Variants in CHODL observed in about 807,000 individuals in gnomAD.
CHODL encodes transmembrane protein MT75.
A neutral mutation model predicts 34.5 loss-of-function variants in CHODL; 29 were observed. The ratio of observed to expected loss-of-function variants is 0.84; its 90% CI spans 0.63 to 1.15. CHODL has a LOEUF of 1.15. Ranked by LOEUF, CHODL falls within the 50% of genes most tolerant of loss-of-function variation. The probability of loss-of-function intolerance (pLI) is 0.00; values close to 1 mark genes in which losing one functional copy is unlikely to be tolerated. For synonymous variants in CHODL, 125 were observed against 116.1 expected (o/e 1.08, Z -0.49); for missense variants, 332 against 332.5 (o/e 1.00, Z 0.01).
At chr21:18,039,756 C>T (rs963038883) in intron 2 of CHODL, among the ~76,000 whole-genome samples, 1 of 151,548 alleles carries the variant, frequency 6.6e-6, no homozygotes, top group African/African-American at 2.4e-5. Context: ...TTGATGCTAC[C>T]AAAACCTCAA....
chr21:18,228,440 G>C (rs748541512), intron 2 of CHODL, among the ~76,000 whole-genome samples: 15 of 152,044 alleles, frequency 9.9e-5, no homozygotes, highest in Non-Finnish European at 2.1e-4. Flanking sequence ...GCTGCATCAT[G>C]GGATGCATCG....
At chr21:18,069,141 TATTA>T (rs1023216621) in intron 2 of CHODL, among the ~76,000 whole-genome samples, 1 of 152,164 alleles carries the variant, frequency 6.6e-6, no homozygotes, top group Non-Finnish European at 1.5e-5. Flanking sequence ...AAAATGTTAA[TATTA>T]ATTATCTTTC....
intron 2 of CHODL, among the ~76,000 whole-genome samples, chr21:18,081,858 C>T (rs2146515050): frequency 6.6e-6 from 1 of 152,216 alleles, no homozygotes; most frequent in Middle Eastern, 3.4e-3. Context: ...GGAATTTTAT[C>T]ACAAAGCAAT....
intron 2 of CHODL, among the ~76,000 whole-genome samples, chr21:18,102,884 A>G (rs1162297904): frequency 6.6e-6 from 1 of 152,206 alleles, no homozygotes; most frequent in Non-Finnish European, 1.5e-5. Flanking sequence ...ACTGAAAGTA[A>G]CACATTAATT....
rs1268981858 is a variant in CHODL at position 18,245,295 on chromosome 21, G to A, written c.72G>A (p.Val24=). ...GCCACGGAGCCTTCTGCCGCCGCGT[G>A]GTCAGCGGTGAGTCAGGGGCCGTCT... ...LCGHGAFCRR[V]VSGQKVCFAD... Residue 24 remains valine (V), a synonymous_variant, in exon 1 of 6, where the codon GTG becomes GTA. Transcript: ENST00000299295. 7.9e-6 allele frequency: 12 copies of A among 1,524,252 alleles called. No individual in the cohort carries two copies. The highest frequency in any genetic ancestry group is 1.1e-5 in the Non-Finnish European group (12 of 1,142,082). 94.4% of individuals were successfully genotyped at this position (1,524,252 alleles called of 1,614,324 possible).
At chr21:18,016,096 T>C (rs4818400) in intron 1 of CHODL, among the ~76,000 whole-genome samples, 44,156 of 152,126 alleles carry the variant, frequency 0.29, 6,763 homozygotes, top group South Asian at 0.42. Flanking sequence ...AACAGCCGAA[T>C]ATTATTGGCC....
intron 2 of CHODL, among the ~76,000 whole-genome samples, chr21:18,070,803 C>A (rs762607704): frequency 3.3e-5 from 5 of 152,064 alleles, no homozygotes; most frequent in Admixed American, 6.6e-5. Context: ...ACTGCTTGTA[C>A]CCTAGTGACT....
At chr21:17,998,498 C>T (rs775858897) in intron 1 of CHODL, among the ~76,000 whole-genome samples, 3 of 152,260 alleles carry the variant, frequency 2.0e-5, no homozygotes, top group Non-Finnish European at 4.4e-5. Flanking sequence ...CATTTCTCTT[C>T]TGGACTGCCC....
At chr21:18,036,161 T>C (rs1287783099) in intron 2 of CHODL, among the ~76,000 whole-genome samples, 1 of 152,030 alleles carries the variant, frequency 6.6e-6, no homozygotes, top group African/African-American at 2.4e-5. Context: ...GGGCCAATTA[T>C]CCTTTATTAC....
At chr21:18,213,851 A>G (rs1220982780) in intron 2 of CHODL, among the ~76,000 whole-genome samples, 1 of 152,100 alleles carries the variant, frequency 6.6e-6, no homozygotes, top group African/African-American at 2.4e-5. Flanking sequence ...GAGTTTATTT[A>G]TCAAATGTTA....
intron 2 of CHODL, among the ~76,000 whole-genome samples, chr21:18,238,984 A>G (rs1251826533): frequency 6.6e-6 from 1 of 152,152 alleles, no homozygotes; most frequent in Non-Finnish European, 1.5e-5. Flanking sequence ...CTAGAAAATT[A>G]AGACTACCTT....
intron 1 of CHODL, among the ~76,000 whole-genome samples, chr21:17,924,723 C>A (rs963063882): frequency 6.6e-6 from 1 of 152,152 alleles, no homozygotes; most frequent in Non-Finnish European, 1.5e-5. Context: ...ACATAAAAAT[C>A]AATAATACAT....
chr21:18,157,098 T>A (rs2073043450), intron 2 of CHODL, among the ~76,000 whole-genome samples: 1 of 152,174 alleles, frequency 6.6e-6, no homozygotes, highest in Non-Finnish European at 1.5e-5. Flanking sequence ...TTGTCACCCC[T>A]TCTGTTGATT....
intron 2 of CHODL, among the ~76,000 whole-genome samples, chr21:18,133,792 A>G (rs1229029770): frequency 1.3e-5 from 2 of 152,160 alleles, no homozygotes; most frequent in East Asian, 3.9e-4. Flanking sequence ...AGGAATCTTT[A>G]TGAACATGAA....
Position 17,992,743 on chromosome 21 carries a change from T to TTTC in CHODL, c.-144-35129_-144-35128insTTC, listed in dbSNP as rs1200754141. On this transcript the variant is annotated intron_variant, in intron 1 of 6. Transcript: ENST00000400127. ...GTTTTTTTTTTTTTTTTTTTTTTTT[T>TTTC]CCAGACAGAGTTTCACTTCTGTTGC... is the stretch of plus-strand genomic sequence containing the variant. 1.6e-4 allele frequency among the ~76,000 whole-genome samples: 8 copies of TTTC among 50,156 alleles called. No homozygotes were observed. In the South Asian group the frequency reaches 4.2e-3, roughly 26 times the overall value. The allele number at this position is 50,156 out of a possible 152,430, so 32.9% of individuals were successfully genotyped here.
At position 18,262,833 on chromosome 21, in the gene CHODL, C is replaced by T; in HGVS notation, c.677C>T (p.Pro226Leu). The change falls in exon 5 of 6, where the codon CCC (proline) becomes CTC (leucine). Residue 226 changes from proline (P) to leucine (L), a missense_variant. By Grantham distance (98) the Pro-to-Leu change is moderately conservative. Transcript: ENST00000299295. ...NLIYVVIPTI[P>L]LLLLILVAFG... ...ATTTATGTTGTTATACCAACAATAC[C>T]CCTGCTCTTACTGATACTGGTTGCT... 6.2e-7 allele frequency: 1 copy of T among 1,609,568 alleles called. No homozygotes were observed. Among genetic ancestry groups the T allele is most frequent in the Non-Finnish European group, 8.5e-7 (1 of 1,176,508 alleles).
chr21:18,256,948 T>C, intron 2 of CHODL, 22 bp from the exon 3 acceptor site: 2 of 1,607,198 alleles, frequency 1.2e-6, no homozygotes, highest in Non-Finnish European at 1.7e-6. Context: ...ATCTGAGTGT[T>C]CCTATTACTC....
chr21:17,977,194 A>G (rs2063670201), intron 1 of CHODL, among the ~76,000 whole-genome samples: 1 of 152,162 alleles, frequency 6.6e-6, no homozygotes, highest in South Asian at 2.1e-4. Flanking sequence ...ATGCCTGAAG[A>G]GATTAAGGAA....
chr21:17,921,525 G>A (rs775998897), intron 1 of CHODL, among the ~76,000 whole-genome samples: 13 of 152,130 alleles, frequency 8.5e-5, no homozygotes, highest in Non-Finnish European at 1.8e-4. Context: ...AGAATAGGAT[G>A]TAAACTCTAG....
Sources: gnomAD v4.1 joint callset for allele counts (sites outside exome capture counted in the v4.1 genomes callset) on GRCh38, gnomAD v4.1.1 for gene constraint, MANE v1.5 for transcripts, NCBI Gene and HGNC (gene_info 2026-07-23, HGNC 2026-07-21) for gene names.